GLIS3: variants seen among roughly 807,000 people sequenced by gnomAD.
The protein encoded by GLIS3 is GLIS family zinc finger 3.
GLIS3 carries 53 observed loss-of-function variants against 78.6 expected under a neutral mutation model. That is an observed-to-expected ratio of 0.67 (90% CI 0.54 to 0.85). The LOEUF is 0.85. Ranked by LOEUF, GLIS3 falls within the 40% of genes least tolerant of loss-of-function variation. The probability of loss-of-function intolerance (pLI) is 0.00; values close to 1 mark genes in which losing one functional copy is unlikely to be tolerated. For synonymous variants in GLIS3, 684 were observed against 509.9 expected (o/e 1.34, Z -4.60); for missense variants, 1,703 against 1,231.1 (o/e 1.38, Z -5.74).
chr9:4,329,267 C>G (rs1377497871), intron 2 of GLIS3, among the ~76,000 whole-genome samples: 5 of 152,170 alleles, frequency 3.3e-5, no homozygotes, highest in African/African-American at 4.8e-5. Context: ...TAGGGGAAAC[C>G]TCGCATGTGT....
chr9:4,488,328 A>C, the GLIS3 span, among the ~76,000 whole-genome samples: 1 of 152,122 alleles, frequency 6.6e-6, no homozygotes, highest in Admixed American at 6.6e-5. Flanking sequence ...CTTTATATTT[A>C]TAAATATAGA....
intron 2 of GLIS3, among the ~76,000 whole-genome samples, chr9:4,157,943 T>C (rs927012673): frequency 6.6e-6 from 1 of 152,218 alleles, no homozygotes; most frequent in Non-Finnish European, 1.5e-5. Context: ...AAAAATATGA[T>C]TGTCTCTTCA....
At chr9:3,860,100 T>TC (rs757987073) in intron 8 of GLIS3, among the ~76,000 whole-genome samples, 3 of 151,564 alleles carry the variant, frequency 2.0e-5, no homozygotes, top group Non-Finnish European at 2.9e-5. Context: ...ACGGTGAAAG[T>TC]CTGTCTCTAC....
At chr9:4,480,196 CTTTCT>C in the GLIS3 span, among the ~76,000 whole-genome samples, 1,794 of 133,162 alleles carry the variant, frequency 0.013, 58 homozygotes, top group African/African-American at 0.05. Context: ...CCAGGCTGGG[CTTTCT>C]TTTTTTTTTT....
rs534157336 is a variant in GLIS3, at chr9:4,245,942, T to G, written c.388+40096A>C. On this transcript the variant is annotated intron_variant, in intron 2 of 10. Transcript: ENST00000381971. ...GGTATTTATTTTTATTTTTTCAGAC[T>G]GTCTTAGCAAACTACATAAAATCAG... Among the ~76,000 whole-genome samples the G allele has an allele frequency of 3.9e-5, 6 of 152,334 alleles. No homozygotes were observed. In the South Asian group the frequency reaches 8.3e-4, roughly 21 times the overall value.
intron 6 of GLIS3, among the ~76,000 whole-genome samples, chr9:3,909,844 T>C (rs946321121): frequency 3.3e-5 from 5 of 152,236 alleles, no homozygotes; most frequent in Non-Finnish European, 7.3e-5. Context: ...GGAAAGGTTC[T>C]GCACTGCACT....
intron 2 of GLIS3, among the ~76,000 whole-genome samples, chr9:4,234,628 C>A (rs1038866703): frequency 6.6e-6 from 1 of 152,130 alleles, no homozygotes; most frequent in African/African-American, 2.4e-5. Flanking sequence ...AAATGTGACA[C>A]AGAGACATGA....
At chr9:3,982,747 C>G (rs1290997383) in intron 4 of GLIS3, among the ~76,000 whole-genome samples, 3 of 152,218 alleles carry the variant, frequency 2.0e-5, no homozygotes, top group African/African-American at 7.2e-5. Flanking sequence ...TTCATCAAAA[C>G]TTTTCTCGCC....
the GLIS3 span, among the ~76,000 whole-genome samples, chr9:4,422,635 T>G: frequency 3.3e-5 from 5 of 152,210 alleles, no homozygotes; most frequent in Non-Finnish European, 7.3e-5. Context: ...TGCCTGCCAG[T>G]CTACCGGGGG....
the GLIS3 span, among the ~76,000 whole-genome samples, chr9:4,404,205 G>C: frequency 2.6e-5 from 4 of 152,194 alleles, no homozygotes; most frequent in African/African-American, 9.6e-5. Context: ...CAACGCTGGA[G>C]CAACCCGATA....
the GLIS3 span, among the ~76,000 whole-genome samples, chr9:4,394,266 A>G: frequency 6.6e-6 from 1 of 151,696 alleles, no homozygotes; most frequent in Non-Finnish European, 1.5e-5. Context: ...TTATTATCTC[A>G]TAATTTTAAA....
At chr9:4,287,575 G>A (rs1000268731) in intron 1 of GLIS3, among the ~76,000 whole-genome samples, 16 of 152,162 alleles carry the variant, frequency 1.1e-4, no homozygotes, top group African/African-American at 3.9e-4. Flanking sequence ...TGACAGTCAT[G>A]GAAAGAAGCC....
chr9:4,291,646 TC>T (rs1815990373), intron 1 of GLIS3, among the ~76,000 whole-genome samples: 1 of 151,980 alleles, frequency 6.6e-6, no homozygotes, highest in Admixed American at 6.6e-5. Context: ...AATGACCACA[TC>T]CGATTCAGGA....
chr9:4,275,300 G>A (rs1027867745), intron 2 of GLIS3, among the ~76,000 whole-genome samples: 2 of 152,192 alleles, frequency 1.3e-5, no homozygotes, highest in Admixed American at 1.3e-4. Flanking sequence ...TCAGCTCATG[G>A]ATGGAAACGA....
Position 3,891,066 on chromosome 9 carries a change from C to CAAAA in GLIS3, c.2128+7621_2128+7624dup, listed in dbSNP as rs58449134. On this transcript the variant is annotated intron_variant, in intron 7 of 10. Coordinates refer to ENST00000381971, the MANE Select transcript of GLIS3 (RefSeq NM_001042413.2). The stretch of plus-strand genomic sequence containing the variant: ...AGGCTTCCACTTTTCCTTCCTTCCT[C>CAAAA]AAAAAAAAAAAAAAAGAAGAAGAAG... Among the ~76,000 whole-genome samples the CAAAA allele has an allele frequency of 1.3e-3, 160 of 126,656 alleles. 5 individuals carry two copies. The highest frequency in any genetic ancestry group is 4.0e-3 in the African/African-American group (136 of 34,288). 83.1% of individuals were successfully genotyped at this position (126,656 alleles called of 152,430 possible).
At chr9:4,099,033 G>A (rs1440267695) in intron 4 of GLIS3, among the ~76,000 whole-genome samples, 1 of 152,112 alleles carries the variant, frequency 6.6e-6, no homozygotes, top group Non-Finnish European at 1.5e-5. Flanking sequence ...CCTTCCCACT[G>A]CCCTCAAGAC....
intron 4 of GLIS3, among the ~76,000 whole-genome samples, chr9:4,107,829 T>G (rs1830888711): frequency 6.6e-6 from 1 of 152,126 alleles, no homozygotes; most frequent in Non-Finnish European, 1.5e-5. Flanking sequence ...TCCTATGAAT[T>G]CACTCAAAAC....
the GLIS3 span, among the ~76,000 whole-genome samples, chr9:4,461,280 G>C: frequency 6.6e-6 from 1 of 152,078 alleles, no homozygotes; most frequent in Non-Finnish European, 1.5e-5. Flanking sequence ...CCAGAAAGAT[G>C]GATCAATGCC....
At chr9:4,108,599 G>A (rs1010664237) in intron 4 of GLIS3, among the ~76,000 whole-genome samples, 10 of 152,138 alleles carry the variant, frequency 6.6e-5, no homozygotes, top group Non-Finnish European at 8.8e-5. Flanking sequence ...CCACTGGGAC[G>A]AGGGATGTGG....
Sources: allele counts gnomAD v4.1 joint callset (sites outside exome capture counted in the v4.1 genomes callset), GRCh38; gene constraint gnomAD v4.1.1; transcripts MANE v1.5; gene names NCBI Gene and HGNC (gene_info 2026-07-23, HGNC 2026-07-21).